The following UNC5C variants were observed in gnomAD, a reference collection of about 807,000 sequenced individuals.
UNC5C encodes netrin receptor UNC5C.
In UNC5C, 47 loss-of-function variants were observed where a neutral mutation model predicts 99.8. That is an observed-to-expected ratio of 0.47 (90% confidence interval 0.37 to 0.60). The LOEUF is 0.60. Among genes scored for constraint, UNC5C ranks in the 20% least tolerant of loss-of-function variants. The pLI is 0.00. For synonymous variants in UNC5C, 487 were observed against 452.2 expected (o/e 1.08, Z -0.98); for missense variants, 1,062 against 1,165.9 (o/e 0.91, Z 1.30).
intron 1 of UNC5C, among the ~76,000 whole-genome samples, chr4:95,437,752 G>A (rs1401971013): frequency 6.6e-6 from 1 of 152,046 alleles, no homozygotes; most frequent in Non-Finnish European, 1.5e-5. Context: ...CGCTGATAGA[G>A]CATCAGTGGT....
intron 2 of UNC5C, among the ~76,000 whole-genome samples, chr4:95,327,872 A>G (rs1469858689): frequency 6.6e-6 from 1 of 151,896 alleles, no homozygotes; most frequent in Non-Finnish European, 1.5e-5. Flanking sequence ...TTCTTCCTTA[A>G]TGATGAAAAA....
At position 95,168,571 on chromosome 4, in the gene UNC5C, G is replaced by C. The variant is rs1165605259; in HGVS notation, c.*663C>G. The C allele has an allele frequency of 1.3e-5, 2 of 152,610 alleles. No homozygotes were observed. Among genetic ancestry groups the C allele is most frequent in the African/African-American group, 4.8e-5 (2 of 41,438 alleles). 9.5% of individuals were successfully genotyped at this position (152,610 alleles called of 1,614,324 possible). On this transcript the variant is annotated 3_prime_UTR_variant, in exon 16 of 16. Coordinates refer to ENST00000453304, the MANE Select transcript of UNC5C (RefSeq NM_003728.4). ...ACAGCTTTATTCCCAAAGGGCACCA[G>C]AAGGGTCCCTCCAAGGAATAGGAGT...
chr4:95,476,989 G>C (rs265056), intron 1 of UNC5C, among the ~76,000 whole-genome samples: 45,428 of 152,046 alleles, frequency 0.3, 10,388 homozygotes, highest in African/African-American at 0.63. Context: ...TCTGAATTAT[G>C]ATTGTTTGTG....
At position 95,380,730 on chromosome 4, in the gene UNC5C, A is replaced by G. The variant is rs539822232; in HGVS notation, c.125-45099T>C. 9.8e-5 allele frequency among the ~76,000 whole-genome samples: 15 copies of G among 152,338 alleles called. No homozygotes were observed. The East Asian group carries it at 2.9e-3, about 29-fold the overall frequency. On this transcript the variant is annotated intron_variant, in intron 1 of 15. Coordinates refer to ENST00000453304, the MANE Select transcript of UNC5C (RefSeq NM_003728.4). ...GTGTAACAAACAATCCCCTTTTGCA[A>G]ACGTGCTGGACTAAAACCTTACATT...
intron 1 of UNC5C, among the ~76,000 whole-genome samples, chr4:95,394,218 C>T (rs183556622): frequency 6.6e-6 from 1 of 151,234 alleles, no homozygotes; most frequent in Admixed American, 6.6e-5. Flanking sequence ...TTCTAAATAA[C>T]AGATTTCTAT....
At chr4:95,454,335 A>T (rs1260658437) in intron 1 of UNC5C, among the ~76,000 whole-genome samples, 1 of 152,066 alleles carries the variant, frequency 6.6e-6, no homozygotes, top group Non-Finnish European at 1.5e-5. Context: ...CTGCATGGAG[A>T]ATATGCAGAA....
rs983703670 is a variant in UNC5C, at chr4:95,206,556, C to G, written c.1902+72G>C. On this transcript the variant is annotated intron_variant, in intron 11 of 15. Transcript: ENST00000453304. The stretch of plus-strand genomic sequence containing the variant: ...CATGTTTTGCTTTATAAATAAAAGG[C>G]CTCCCATAATTGCTCCTGCTTATCT... 3 of 1,590,650 alleles carry G rather than the reference C, an allele frequency of 1.9e-6. No individual in the cohort carries two copies. The African/African-American group carries it at 4.1e-5, about 22-fold the overall frequency.
intron 2 of UNC5C, among the ~76,000 whole-genome samples, chr4:95,334,946 A>G (rs1447396957): frequency 6.6e-6 from 1 of 152,138 alleles, no homozygotes; most frequent in Non-Finnish European, 1.5e-5. Flanking sequence ...GATACTTTGA[A>G]TCTATGACAT....
At chr4:95,293,236 A>C (rs1222431981) in intron 3 of UNC5C, among the ~76,000 whole-genome samples, 1 of 151,864 alleles carries the variant, frequency 6.6e-6, no homozygotes, top group Non-Finnish European at 1.5e-5. Flanking sequence ...ACAAAGCAAT[A>C]AGAAGAGAGG....
intron 12 of UNC5C, among the ~76,000 whole-genome samples, chr4:95,186,153 C>T (rs1039147520): frequency 2.0e-5 from 3 of 152,150 alleles, no homozygotes; most frequent in Admixed American, 6.6e-5. Flanking sequence ...GCACGTTACT[C>T]CTCTCATGCC....
intron 2 of UNC5C, among the ~76,000 whole-genome samples, chr4:95,309,105 T>C (rs1374651456): frequency 2.0e-5 from 3 of 151,960 alleles, no homozygotes; most frequent in African/African-American, 7.2e-5. Context: ...TGGAACAAAA[T>C]AGCTCGCCCA....
At chr4:95,458,769 A>G (rs1326743632) in intron 1 of UNC5C, among the ~76,000 whole-genome samples, 2 of 151,940 alleles carry the variant, frequency 1.3e-5, no homozygotes, top group African/African-American at 4.8e-5. Flanking sequence ...GCATATGCCT[A>G]CTCTTTTAAT....
At position 95,206,925 on chromosome 4, in the gene UNC5C, G is replaced by T. The variant is rs1330799344; in HGVS notation, c.1734-129C>A. On this transcript the variant is annotated intron_variant, in intron 10 of 15. Coordinates refer to ENST00000453304, the MANE Select transcript of UNC5C (RefSeq NM_003728.4). ...TTCTTTTTTTTTTTTTTTTTCTGGG[G>T]GGTTGGGGAGAGGAAATAGGTGATA... The T allele has an allele frequency of 5.2e-6, 4 of 772,454 alleles. 1 individual carries two copies. Among genetic ancestry groups the T allele is most frequent in the South Asian group, 2.5e-5 (1 of 39,786 alleles). The allele number at this position is 772,454 out of a possible 1,614,324, so 47.8% of individuals were successfully genotyped here. A position where few individuals can be genotyped will look rare whatever the true frequency, so the allele number is the denominator to read the frequency against.
chr4:95,391,164 T>G (rs569966969), intron 1 of UNC5C, among the ~76,000 whole-genome samples: 5 of 152,346 alleles, frequency 3.3e-5, no homozygotes, highest in African/African-American at 1.2e-4. Flanking sequence ...TCCCCAGTCA[T>G]GTGGAACTGT....
At chr4:95,283,797 C>T (rs1741141488) in intron 3 of UNC5C, among the ~76,000 whole-genome samples, 1 of 152,206 alleles carries the variant, frequency 6.6e-6, no homozygotes, top group Non-Finnish European at 1.5e-5. Flanking sequence ...TATAAGACTG[C>T]TACTAAAATT....
intron 4 of UNC5C, among the ~76,000 whole-genome samples, chr4:95,270,852 G>T (rs956499752): frequency 2.6e-5 from 4 of 152,210 alleles, no homozygotes; most frequent in African/African-American, 2.4e-5. Flanking sequence ...CTAATCTGTA[G>T]CTAGTTCCTA....
intron 1 of UNC5C, among the ~76,000 whole-genome samples, chr4:95,365,295 C>CAAAAAAAAAAAAA (rs11332755): frequency 9.3e-6 from 1 of 108,022 alleles, no homozygotes; most frequent in Non-Finnish European, 2.0e-5. Context: ...GAATCTGTCT[C>CAAAAAAAAAAAAA]AAAAAAAAAA....
At chr4:95,482,014 C>A (rs1013336746) in intron 1 of UNC5C, among the ~76,000 whole-genome samples, 2 of 152,116 alleles carry the variant, frequency 1.3e-5, no homozygotes, top group African/African-American at 4.8e-5. Flanking sequence ...CAAATGGGAT[C>A]TAATTAAACT....
At chr4:95,513,000 TCAA>T (rs1722120120) in intron 1 of UNC5C, among the ~76,000 whole-genome samples, 1 of 152,168 alleles carries the variant, frequency 6.6e-6, no homozygotes, top group Non-Finnish European at 1.5e-5. Context: ...AAGATGTCCT[TCAA>T]CAACAACAAC....
Sources: gnomAD v4.1 joint callset for allele counts (sites outside exome capture counted in the v4.1 genomes callset) on GRCh38, gnomAD v4.1.1 for gene constraint, MANE v1.5 for transcripts, NCBI Gene and HGNC (gene_info 2026-07-23, HGNC 2026-07-21) for gene names.